The following ASIC2 variants were observed in gnomAD, a reference collection of about 807,000 sequenced individuals.
The protein encoded by ASIC2 is acid sensing ion channel subunit 2.
In ASIC2, 25 loss-of-function variants were observed where a neutral mutation model predicts 57.3. The ratio of observed to expected loss-of-function variants is 0.44; its 90% CI spans 0.32 to 0.61. The LOEUF (loss-of-function observed/expected upper bound fraction) is 0.61, where lower values mean the gene tolerates loss of function less well. ASIC2 is among the 20% of genes least tolerant of loss of function. ASIC2 has a pLI of 0.06. For synonymous variants in ASIC2, 319 were observed against 307.5 expected, an observed-to-expected ratio of 1.04 and a Z score of -0.39; for missense variants, 641 against 738.1, an observed-to-expected ratio of 0.87 and a Z score of 1.52.
chr17:34,066,563 CATGGCCTGCAAAG>C (rs1909180236), intron 1 of ASIC2, among the ~76,000 whole-genome samples: 1 of 152,208 alleles, frequency 6.6e-6, no homozygotes, highest in Non-Finnish European at 1.5e-5. Context: ...AAGCCTTTCA[CATGGCCTGCAAAG>C]ACATTCTCAC....
At chr17:33,657,616 C>G (rs1302028313) in intron 1 of ASIC2, among the ~76,000 whole-genome samples, 1 of 151,908 alleles carries the variant, frequency 6.6e-6, no homozygotes, top group Non-Finnish European at 1.5e-5. Context: ...AAATGAGGTG[C>G]TTGGGGAATG....
At chr17:33,835,119 CT>C (rs1205815777) in intron 1 of ASIC2, among the ~76,000 whole-genome samples, 1 of 152,150 alleles carries the variant, frequency 6.6e-6, no homozygotes, top group African/African-American at 2.4e-5. Flanking sequence ...GGATCCCCAA[CT>C]TTTTGACCTG....
intron 1 of ASIC2, among the ~76,000 whole-genome samples, chr17:33,358,096 T>C (rs1019718870): frequency 1.3e-5 from 2 of 152,238 alleles, no homozygotes; most frequent in Admixed American, 1.3e-4. Context: ...CAAATGTGGC[T>C]CGCCACCTGT....
intron 1 of ASIC2, among the ~76,000 whole-genome samples, chr17:34,111,274 C>A (rs1331740345): frequency 6.8e-6 from 1 of 147,484 alleles, no homozygotes. Flanking sequence ...ATATTATATA[C>A]AACATATTAT....
intron 3 of ASIC2, among the ~76,000 whole-genome samples, chr17:33,053,414 A>C (rs2091985477): frequency 6.6e-6 from 1 of 152,204 alleles, no homozygotes; most frequent in South Asian, 2.1e-4. Context: ...AGGGAAGAAC[A>C]CAGTCTCTTT....
At chr17:33,101,423 G>A (rs1283553067) in intron 2 of ASIC2, among the ~76,000 whole-genome samples, 2 of 152,140 alleles carry the variant, frequency 1.3e-5, no homozygotes, top group African/African-American at 4.8e-5. Flanking sequence ...GCAGTTTCCT[G>A]CTCCACCTCT....
At chr17:33,147,553 T>C (rs577261599) in intron 1 of ASIC2, among the ~76,000 whole-genome samples, 135 of 152,304 alleles carry the variant, frequency 8.9e-4, no homozygotes, top group African/African-American at 3.1e-3. Flanking sequence ...GTATCTTTTT[T>C]TTTTCTTACA....
At chr17:33,155,583 C>T (rs891296996) in intron 1 of ASIC2, among the ~76,000 whole-genome samples, 3 of 123,206 alleles carry the variant, frequency 2.4e-5, no homozygotes, top group Admixed American at 1.9e-4. Flanking sequence ...TTTTTTGAGA[C>T]GATGTCTAGC....
At chr17:33,188,350 C>A (rs1390144348) in intron 1 of ASIC2, among the ~76,000 whole-genome samples, 1 of 151,916 alleles carries the variant, frequency 6.6e-6, no homozygotes, top group Non-Finnish European at 1.5e-5. Context: ...ACCTAATAGT[C>A]ATGTGGTTGG....
intron 1 of ASIC2, among the ~76,000 whole-genome samples, chr17:34,082,861 C>T (rs1429754219): frequency 6.6e-6 from 1 of 152,148 alleles, no homozygotes; most frequent in Non-Finnish European, 1.5e-5. Flanking sequence ...ACAGTTTGAC[C>T]CCAAAATCTG....
chr17:33,208,551 C>T (rs1462428255), intron 1 of ASIC2, among the ~76,000 whole-genome samples: 1 of 152,144 alleles, frequency 6.6e-6, no homozygotes, highest in Non-Finnish European at 1.5e-5. Context: ...CTTTAGGTTT[C>T]AGCTTCAAAG....
At chr17:33,958,803 T>C (rs1261524606) in intron 1 of ASIC2, among the ~76,000 whole-genome samples, 1 of 152,220 alleles carries the variant, frequency 6.6e-6, no homozygotes, top group Non-Finnish European at 1.5e-5. Flanking sequence ...TGCAGCTGGC[T>C]TGAATTTCTC....
intron 1 of ASIC2, among the ~76,000 whole-genome samples, chr17:33,457,233 C>CT (rs1429644857): frequency 1.4e-5 from 2 of 143,828 alleles, no homozygotes; most frequent in East Asian, 4.0e-4. Context: ...TAAATTTAGC[C>CT]TTTTTTGTTT....
intron 1 of ASIC2, among the ~76,000 whole-genome samples, chr17:34,064,731 C>A (rs1909103237): frequency 6.6e-6 from 1 of 152,068 alleles, no homozygotes; most frequent in Non-Finnish European, 1.5e-5. Context: ...CATGAATAGA[C>A]AATTCTCAAA....
chr17:33,273,519 C>T (rs190108266), intron 1 of ASIC2, among the ~76,000 whole-genome samples: 194 of 152,212 alleles, frequency 1.3e-3, no homozygotes, highest in Middle Eastern at 6.8e-3. Context: ...TGGAGGGATC[C>T]CTCTCTTGTT....
intron 3 of ASIC2, among the ~76,000 whole-genome samples, chr17:33,085,364 C>T (rs544421375): frequency 7.2e-5 from 11 of 152,178 alleles, no homozygotes; most frequent in Non-Finnish European, 1.0e-4. Flanking sequence ...GATTGTAAAA[C>T]GAATCCTTAT....
At chr17:33,441,826 A>G (rs1911832994) in intron 1 of ASIC2, among the ~76,000 whole-genome samples, 1 of 152,186 alleles carries the variant, frequency 6.6e-6, no homozygotes, top group South Asian at 2.1e-4. Context: ...CATCAATCTT[A>G]TGCATAGAAA....
At chr17:33,945,085 T>C (rs1056541454) in intron 1 of ASIC2, among the ~76,000 whole-genome samples, 2 of 152,216 alleles carry the variant, frequency 1.3e-5, no homozygotes, top group African/African-American at 4.8e-5. Context: ...AGGGCAACTC[T>C]GTAGAAGACA....
chr17:33,038,186 GTAGGTACTTGCCAAGAC>G (rs2091916888), intron 3 of ASIC2, among the ~76,000 whole-genome samples: 3 of 152,302 alleles, frequency 2.0e-5, no homozygotes, highest in East Asian at 3.9e-4. Flanking sequence ...CCAGATGCTA[GTAGGTACTTGCCAAGAC>G]TTAGTTCTCA....
Sources: gnomAD v4.1 joint callset for allele counts (sites outside exome capture counted in the v4.1 genomes callset) on GRCh38, gnomAD v4.1.1 for gene constraint, MANE v1.5 for transcripts, NCBI Gene and HGNC (gene_info 2026-07-23, HGNC 2026-07-21) for gene names.